SNAP91: variants seen among roughly 807,000 people sequenced by gnomAD.
SNAP91 encodes the protein clathrin coat assembly protein AP180.
A neutral mutation model predicts 100.3 loss-of-function variants in SNAP91; 27 were observed. The ratio of observed to expected loss-of-function variants is 0.27; its 90% CI spans 0.20 to 0.37. The LOEUF is 0.37. Among genes scored for constraint, SNAP91 ranks in the 10% least tolerant of loss-of-function variants. The pLI is 1.00. For missense variants in SNAP91, 986 were observed against 1,123.7 expected (o/e 0.88, Z 1.75); for synonymous variants, 404 against 398.6 (o/e 1.01, Z -0.16).
chr6:83,689,639 C>G (rs546386282), intron 2 of SNAP91: 2 of 151,986 alleles, frequency 1.3e-5, no homozygotes, highest in South Asian at 4.2e-4. Flanking sequence ...TCCCTTCATT[C>G]CATAATCTAA....
intron 26 of SNAP91, among the ~76,000 whole-genome samples, chr6:83,573,998 C>G (rs901557570): frequency 2.8e-4 from 43 of 152,148 alleles, no homozygotes; most frequent in African/African-American, 8.7e-4. Flanking sequence ...AAGAAACTAC[C>G]ATCAGAGTGA....
At chr6:83,618,106 C>G (rs746666119) in intron 9 of SNAP91, among the ~76,000 whole-genome samples, 25 of 151,888 alleles carry the variant, frequency 1.6e-4, no homozygotes, top group Admixed American at 1.6e-3. Flanking sequence ...TACTAAAAAT[C>G]TTTAATTTTG....
intron 2 of SNAP91, among the ~76,000 whole-genome samples, chr6:83,687,381 T>C: frequency 6.6e-6 from 1 of 152,218 alleles, no homozygotes. Flanking sequence ...GAAATTCACC[T>C]GAAATTCAAC....
chr6:83,580,360 A>G, intron 24 of SNAP91, 90 bp downstream of exon 24: 1 of 1,335,722 alleles, frequency 7.5e-7, no homozygotes, highest in Non-Finnish European at 1.0e-6. Flanking sequence ...GAAACAAAAC[A>G]TATGAGATGA....
Position 83,553,481 on chromosome 6 carries a change from C to T in SNAP91, c.*815G>A, listed in dbSNP as rs971997814. 1.3e-5 allele frequency: 2 copies of T among 152,022 alleles called. No individual in the cohort carries two copies. The highest frequency in any genetic ancestry group is 2.9e-5 in the Non-Finnish European group (2 of 68,000). 9.4% of individuals were successfully genotyped at this position (152,022 alleles called of 1,614,324 possible). A position where few individuals can be genotyped will look rare whatever the true frequency, so the allele number is the denominator to read the frequency against. On this transcript the variant is annotated 3_prime_UTR_variant, in exon 30 of 30. Transcript: ENST00000369694. ...ATCACTTGAATAGCACCTCTCTAAC[C>T]GCATTTTCATGAACATGACACAAAC...
At chr6:83,689,339 C>T (rs1272322830) in intron 2 of SNAP91, among the ~76,000 whole-genome samples, 1 of 152,076 alleles carries the variant, frequency 6.6e-6, no homozygotes, top group African/African-American at 2.4e-5. Flanking sequence ...TCCAATTAAT[C>T]CCTCAAAATT....
intron 26 of SNAP91, among the ~76,000 whole-genome samples, chr6:83,564,154 T>G (rs1309506331): frequency 6.6e-6 from 1 of 152,006 alleles, no homozygotes; most frequent in Non-Finnish European, 1.5e-5. Flanking sequence ...AAGACAGACA[T>G]ATAGATCAAC....
intron 7 of SNAP91, among the ~76,000 whole-genome samples, chr6:83,651,792 T>G (rs980916828): frequency 2.0e-5 from 3 of 152,192 alleles, no homozygotes; most frequent in Non-Finnish European, 2.9e-5. Context: ...CAACTTCATC[T>G]GTACTGATTT....
chr6:83,621,623 T>TA (rs1342632095), intron 9 of SNAP91, among the ~76,000 whole-genome samples: 4 of 152,172 alleles, frequency 2.6e-5, no homozygotes, highest in Non-Finnish European at 5.9e-5. Flanking sequence ...AATCCAAGTA[T>TA]ATGATTTCAA....
At position 83,630,294 on chromosome 6, in the gene SNAP91, T is replaced by C. The variant is rs967158226; in HGVS notation, c.766-6952A>G. Reference sequence around the variant, plus strand: ...TTAGCATCTATGTTAATCAGAAATATTGGTCTGTAGTTTTCTTTTTTGGTT... The same window carrying C: ...TTAGCATCTATGTTAATCAGAAATACTGGTCTGTAGTTTTCTTTTTTGGTT... On this transcript the variant is annotated intron_variant, in intron 8 of 29. Transcript: ENST00000369694. Among the ~76,000 whole-genome samples, 22 of 152,136 alleles carry C rather than the reference T, an allele frequency of 1.4e-4. 1 individual carries two copies. The highest frequency in any genetic ancestry group is 6.2e-4 in the South Asian group (3 of 4,828).
At chr6:83,610,251 C>T in intron 12 of SNAP91, among the ~76,000 whole-genome samples, 1 of 151,958 alleles carries the variant, frequency 6.6e-6, no homozygotes, top group East Asian at 1.9e-4. Context: ...GTGGTATATA[C>T]ATATAATGGA....
At chr6:83,582,439 A>G in intron 22 of SNAP91, 83 bp from the exon 23 acceptor site, 1 of 1,382,540 alleles carries the variant, frequency 7.2e-7, no homozygotes, top group Non-Finnish European at 9.7e-7. Context: ...AAAGTTATAG[A>G]AAACTGAAAA....
At chr6:83,658,855 G>A (rs2098468878) in intron 6 of SNAP91, 144 bp downstream of exon 6, 2 of 633,890 alleles carry the variant, frequency 3.2e-6, no homozygotes, top group Non-Finnish European at 5.4e-6. Context: ...AATCTTTACC[G>A]AGCTTAACAG....
chr6:83,572,312 T>C lies in SNAP91; in HGVS notation c.2442+2698A>G, dbSNP rs145590538. On this transcript the variant is annotated intron_variant, in intron 26 of 29. Transcript: ENST00000369694. Reference sequence around the variant, plus strand: ...CCACGGCTGGAGTGTAGTAGCACAATCTCGGCTCACTGCAACCTCCTCCTC... The same window carrying C: ...CCACGGCTGGAGTGTAGTAGCACAACCTCGGCTCACTGCAACCTCCTCCTC... 8.5e-3 allele frequency among the ~76,000 whole-genome samples: 1,293 copies of C among 152,254 alleles called. 15 individuals carry two copies. The highest frequency in any genetic ancestry group is 0.029 in the African/African-American group (1,210 of 41,542).
At chr6:83,614,717 CA>C in intron 11 of SNAP91, 139 bp downstream of exon 11, 1 of 569,240 alleles carries the variant, frequency 1.8e-6, no homozygotes. Flanking sequence ...AAAAATAAAG[CA>C]TAATGAAAAA....
Position 83,662,376 on chromosome 6 carries a change from C to T in SNAP91, c.320G>A (p.Ser107Asn). The stretch of plus-strand genomic sequence containing the variant: ...GGATCCACTTTTGTCCAAAAAATTG[C>T]TGAGATTGAATAGTGTATTTCTAGA... ...LASRNTLFNL[S>N]NFLDKSGSHG... is the part of the protein sequence containing the mutation. The change falls in exon 4 of 30, where the codon AGC (serine) becomes AAC (asparagine). Residue 107 changes from serine (S) to asparagine (N), a missense_variant. Physicochemically the swap from Ser to Asn is conservative, Grantham distance 46. Transcript: ENST00000369694. 1 of 1,437,300 alleles carries T rather than the reference C, an allele frequency of 7.0e-7. No individual in the cohort carries two copies. Among genetic ancestry groups the T allele is most frequent in the Non-Finnish European group, 9.3e-7 (1 of 1,079,790 alleles). The allele number at this position is 1,437,300 out of a possible 1,614,324, so 89.0% of individuals were successfully genotyped here.
At chr6:83,635,629 A>G (rs911748568) in intron 8 of SNAP91, among the ~76,000 whole-genome samples, 1 of 150,702 alleles carries the variant, frequency 6.6e-6, no homozygotes, top group Non-Finnish European at 1.5e-5. Flanking sequence ...TTTTAATCCA[A>G]CTTGCCACTC....
rs2093705498 is a variant in SNAP91, at chr6:83,591,270, T to C, written c.1955A>G (p.Glu652Gly). The C allele has an allele frequency of 6.8e-6, 11 of 1,612,764 alleles. No homozygotes were observed. Among genetic ancestry groups the C allele is most frequent in the Non-Finnish European group, 8.5e-6 (10 of 1,179,002 alleles). ...FGDAFGSSAS[E>G]PQPASQAASS... ...AGCAGCCTGAGATGCAGGTTGGGGT[T>C]CAGAAGCACTACTTCCAAATGCATC... is the stretch of plus-strand genomic sequence containing the variant. The change falls in exon 22 of 30, where the codon GAA becomes GGA. Residue 652 changes from glutamate to glycine, a missense_variant. By Grantham distance (98) the Glu-to-Gly change is moderately conservative. Around this residue, in one of 4 missense-constraint regions of SNAP91, gnomAD observed 575 missense variants for 579.9 expected, o/e 0.99. Coordinates refer to ENST00000369694, the MANE Select transcript of SNAP91 (RefSeq NM_001242792.2).
chr6:83,622,210 TA>T (rs1206433011), intron 9 of SNAP91, among the ~76,000 whole-genome samples: 1 of 152,084 alleles, frequency 6.6e-6, no homozygotes, highest in Non-Finnish European at 1.5e-5. Context: ...AACTTTTCAC[TA>T]AAAAATACAA....
Sources: gnomAD v4.1 joint callset for allele counts (sites outside exome capture counted in the v4.1 genomes callset) on GRCh38, gnomAD v4.1.1 for gene constraint, gnomAD v4.1.1 regional missense constraint, MANE v1.5 for transcripts, NCBI Gene and HGNC (gene_info 2026-07-23, HGNC 2026-07-21) for gene names.